Variants in POGLUT2 observed in about 807,000 individuals in gnomAD.
POGLUT2 encodes protein O-glucosyltransferase 2, also known as ER protein 58.
Under a neutral mutation model 57.6 loss-of-function variants are expected in POGLUT2, and 47 were observed. The observed-to-expected ratio is 0.82, with a 90% CI of 0.65 to 1.04. The LOEUF (loss-of-function observed/expected upper bound fraction) is 1.04, where lower values mean the gene tolerates loss of function less well. POGLUT2 is among the 50% of genes least tolerant of loss of function. POGLUT2 has a pLI of 0.00. For synonymous variants in POGLUT2, 200 were observed against 218.8 expected (o/e 0.91, Z 0.76); for missense variants, 565 against 614.8 (o/e 0.92, Z 0.86).
intron 4 of POGLUT2, 95 bp downstream of exon 4, chr13:102,793,246 A>G: frequency 1.2e-5 from 7 of 596,830 alleles, no homozygotes; most frequent in Non-Finnish European, 2.0e-5. Flanking sequence ...CCAGAAGAGA[A>G]TACCCTGATA....
chr13:102,791,155 A>G lies in POGLUT2; in HGVS notation c.846-17T>C. 1 of 1,610,976 alleles carries G rather than the reference A, an allele frequency of 6.2e-7. No individual in the cohort carries two copies. Among genetic ancestry groups the G allele is most frequent in the South Asian group, 1.1e-5 (1 of 91,014 alleles). Reference sequence around the variant, plus strand: ...AGACTTACCCTAGAAGACAAAGTGCAACAGATTTTCCTCCCAAATCATCAT... The same window carrying G: ...AGACTTACCCTAGAAGACAAAGTGCGACAGATTTTCCTCCCAAATCATCAT... On this transcript the variant is annotated splice_polypyrimidine_tract_variant and intron_variant, in intron 5 of 9. Coordinates refer to ENST00000376004, the MANE Select transcript of POGLUT2 (RefSeq NM_024089.3).
rs1333371209 is a variant in POGLUT2 at position 102,790,883 on chromosome 13, C to T, written c.1083+18G>A. Reference sequence around the variant, plus strand: ...ACATTAGAAAAACAAAAAAGATTAGCTACTGATTAAGTCATACCTTGAAGA... The same window carrying T: ...ACATTAGAAAAACAAAAAAGATTAGTTACTGATTAAGTCATACCTTGAAGA... On this transcript the variant is annotated intron_variant, in intron 6 of 9. Transcript: ENST00000376004. 2.7e-6 allele frequency: 4 copies of T among 1,456,218 alleles called. No homozygotes were observed. The highest frequency in any genetic ancestry group is 3.9e-6 in the Non-Finnish European group (4 of 1,037,268). 90.2% of individuals were successfully genotyped at this position (1,456,218 alleles called of 1,614,324 possible). A position where few individuals can be genotyped will look rare whatever the true frequency, so the allele number is the denominator to read the frequency against.
chr13:102,797,758 C>G (rs968635475), intron 1 of POGLUT2, among the ~76,000 whole-genome samples: 1 of 151,766 alleles, frequency 6.6e-6, no homozygotes, highest in Non-Finnish European at 1.5e-5. Context: ...AAAAAACTCA[C>G]GCTCAGCCAT....
chr13:102,789,387 T>C (rs967551974), intron 6 of POGLUT2, among the ~76,000 whole-genome samples, 166 bp from the exon 7 acceptor site: 5 of 152,220 alleles, frequency 3.3e-5, no homozygotes, highest in African/African-American at 4.8e-5. Context: ...AACAGGTTGA[T>C]CTAGAGCTAA....
chr13:102,792,076 G>A (rs536910240), intron 4 of POGLUT2: 61 of 1,286,616 alleles, frequency 4.7e-5, no homozygotes, highest in Admixed American at 3.9e-4. Context: ...AGCAAGAGAA[G>A]TATGACGGTA....
In POGLUT2 at chr13:102,784,494, A is replaced by G. The variant is rs749474850; in HGVS notation, c.*1T>C. ...TATTCTAATAGAAGTTATTTTGCAT[A>G]TCAGAGTTCATCTTTGGTCTGCAAT... On this transcript the variant is annotated 3_prime_UTR_variant, in exon 10 of 10. Coordinates refer to ENST00000376004, the MANE Select transcript of POGLUT2 (RefSeq NM_024089.3). The G allele has an allele frequency of 6.5e-7, 1 of 1,545,196 alleles. No homozygotes were observed. Among genetic ancestry groups the G allele is most frequent in the Non-Finnish European group, 8.9e-7 (1 of 1,123,958 alleles).
chr13:102,797,061 A>G (rs987523123), intron 1 of POGLUT2, 52 bp from the exon 2 acceptor site: 1 of 1,284,728 alleles, frequency 7.8e-7, no homozygotes, highest in Non-Finnish European at 1.1e-6. Context: ...GAACAAACAC[A>G]CAAAGGTTAT....
At chr13:102,792,128 T>C in intron 4 of POGLUT2, 1 of 1,249,786 alleles carries the variant, frequency 8.0e-7, no homozygotes, top group African/African-American at 1.6e-5. Context: ...ATTGATGCTA[T>C]ATAACTACCT....
intron 2 of POGLUT2, among the ~76,000 whole-genome samples, chr13:102,795,572 G>A (rs1027684599): frequency 1.4e-4 from 21 of 152,058 alleles, no homozygotes; most frequent in African/African-American, 5.1e-4. Flanking sequence ...CAACAACAAC[G>A]GCAACAAAAA....
intron 2 of POGLUT2, among the ~76,000 whole-genome samples, chr13:102,794,924 T>C (rs1404657460): frequency 6.9e-6 from 1 of 145,140 alleles, no homozygotes; most frequent in East Asian, 2.1e-4. Flanking sequence ...AACAAGGAAC[T>C]GCTATTCTTT....
chr13:102,785,451 T>TAC (rs56102018), intron 9 of POGLUT2, among the ~76,000 whole-genome samples: 3,123 of 148,548 alleles, frequency 0.021, 68 homozygotes, highest in East Asian at 0.065. Flanking sequence ...CAGCATATGT[T>TAC]ACACACACAC....
At chr13:102,785,642 T>C (rs1877912575) in intron 9 of POGLUT2, among the ~76,000 whole-genome samples, 1 of 152,214 alleles carries the variant, frequency 6.6e-6, no homozygotes, top group South Asian at 2.1e-4. Context: ...TCCAGCTAGA[T>C]GATTTTGAGC....
At chr13:102,787,315 G>T (rs1033791041) in intron 8 of POGLUT2, among the ~76,000 whole-genome samples, 12 of 152,150 alleles carry the variant, frequency 7.9e-5, no homozygotes, top group African/African-American at 2.9e-4. Flanking sequence ...CCAAAGTGCT[G>T]GGATTACAGG....
chr13:102,798,497 T>C lies in POGLUT2; in HGVS notation c.174A>G (p.Ser58=). 6.3e-7 allele frequency: 1 copy of C among 1,598,506 alleles called. No individual in the cohort carries two copies. Among genetic ancestry groups the C allele is most frequent in the Non-Finnish European group, 8.5e-7 (1 of 1,172,166 alleles). The change falls in exon 1 of 10, where the codon TCA becomes TCG. Residue 58 remains serine (S), a synonymous_variant. Coordinates refer to ENST00000376004, the MANE Select transcript of POGLUT2 (RefSeq NM_024089.3). ...GCCGTTTCTCGACTTACTTATTCCC[T>C]GATGTATCCACTGCCTGAATATAGA... The part of the protein sequence containing the change: ...RYFYIQAVDT[S]GNKFTSSPGE...
At position 102,791,316 on chromosome 13, in the gene POGLUT2, T is replaced by C; in HGVS notation, c.787A>G (p.Lys263Glu). The change falls in exon 5 of 10, where the codon AAG becomes GAG. Residue 263 changes from lysine (K) to glutamate (E), a missense_variant. Transcript: ENST00000376004. ...TCGTACGTAGGCATCACGATATCCT[T>C]GGAATCTGTGGAGCCACACCAGGAA... ...IFSWCGSTDSKDIVMPTYDLT... is the reference protein window; with the variant it reads ...IFSWCGSTDSEDIVMPTYDLT... 1.2e-6 allele frequency: 2 copies of C among 1,610,798 alleles called. No homozygotes were observed. Among genetic ancestry groups the C allele is most frequent in the Non-Finnish European group, 1.7e-6 (2 of 1,179,300 alleles).
rs1478755436 is a variant in POGLUT2, at chr13:102,791,043, T to C, written c.941A>G (p.Lys314Arg). Residue 314 changes from lysine to arginine, a missense_variant, in exon 6 of 10, where the codon AAA becomes AGA. Lys to Arg is a conservative substitution (Grantham distance 26). Coordinates refer to ENST00000376004, the MANE Select transcript of POGLUT2 (RefSeq NM_024089.3). Reference protein sequence around the residue: ...TAVWRGRDSRKERLELVKLSR... With the variant: ...TAVWRGRDSRRERLELVKLSR... Reference sequence around the variant, plus strand: ...GAGTTTAACCAGCTCGAGTCTCTCTTTGCGGCTGTCTCGCCCTCTCCAGAC... The same window carrying C: ...GAGTTTAACCAGCTCGAGTCTCTCTCTGCGGCTGTCTCGCCCTCTCCAGAC... 17 of 1,614,198 alleles carry C rather than the reference T, an allele frequency of 1.1e-5. No individual in the cohort carries two copies. Among genetic ancestry groups the C allele is most frequent in the Non-Finnish European group, 1.4e-5 (17 of 1,180,036 alleles).
intron 7 of POGLUT2, 94 bp from the exon 8 acceptor site, chr13:102,788,017 G>T: frequency 1.6e-6 from 1 of 620,166 alleles, no homozygotes. Flanking sequence ...ATACATTGGG[G>T]CAACTGTGGG....
In POGLUT2 at chr13:102,787,836, G is replaced by A; in HGVS notation, c.1381C>T (p.Gln461Ter). The A allele has an allele frequency of 6.5e-7, 1 of 1,537,236 alleles. No individual in the cohort carries two copies. The highest frequency in any genetic ancestry group is 8.9e-7 in the Non-Finnish European group (1 of 1,126,180). ...DIFCYYFKLF[Q>*]EYANLQVSEP... The stretch of plus-strand genomic sequence containing the variant: ...TGATTTTCTTGGAAAATACTGACCT[G>A]GAAAAGTTTGAAATAATAACAGAAT... Residue 461 changes from glutamine (Q) to a stop codon, truncating the protein, a stop_gained and splice_region_variant, in exon 8 of 10, where the codon CAG (glutamine) becomes TAG (stop). Coordinates refer to ENST00000376004, the MANE Select transcript of POGLUT2 (RefSeq NM_024089.3). LOFTEE classifies it high-confidence loss of function.
intron 6 of POGLUT2, among the ~76,000 whole-genome samples, chr13:102,790,281 G>A (rs1242715425): frequency 6.6e-6 from 1 of 152,186 alleles, no homozygotes; most frequent in African/African-American, 2.4e-5. Context: ...CCCACATACA[G>A]AGGACAGATG....
Sources: gnomAD v4.1 joint callset for allele counts (sites outside exome capture counted in the v4.1 genomes callset) on GRCh38, gnomAD v4.1.1 for gene constraint, MANE v1.5 for transcripts, NCBI Gene and HGNC (gene_info 2026-07-23, HGNC 2026-07-21) for gene names.